The following SEMA3A variants were observed in gnomAD, a reference collection of about 807,000 sequenced individuals.
The protein encoded by SEMA3A is semaphorin-3A.
A neutral mutation model predicts 97.9 loss-of-function variants in SEMA3A; 29 were observed. That is an observed-to-expected ratio of 0.30 (90% CI 0.22 to 0.40). SEMA3A has a LOEUF of 0.40. SEMA3A is among the 10% of genes least tolerant of loss of function. The pLI is 1.00. For missense variants in SEMA3A, 763 were observed against 951.3 expected (o/e 0.80, Z 2.60); for synonymous variants, 321 against 323.7 (o/e 0.99, Z 0.09).
At chr7:83,999,388 T>C (rs944194211) in intron 12 of SEMA3A, among the ~76,000 whole-genome samples, 9 of 149,886 alleles carry the variant, frequency 6.0e-5, no homozygotes, top group African/African-American at 2.0e-4. Flanking sequence ...GAAAACACAA[T>C]ATAAATGCAA....
upstream of SEMA3A, chr7:84,194,892 A>C (rs11981143): frequency 0.044 from 10,332 of 234,420 alleles, 375 homozygotes; most frequent in Admixed American, 0.055. Context: ...GGTCTGCTGC[A>C]GTGGTGCTTA....
intron 3 of SEMA3A, among the ~76,000 whole-genome samples, chr7:84,253,170 G>T (rs550819394): frequency 6.6e-6 from 1 of 152,278 alleles, no homozygotes; most frequent in Admixed American, 6.5e-5. Context: ...GAGCCAAGGA[G>T]CCCAGTCCTG....
chr7:84,396,126 T>G (rs566924992), intron 1 of SEMA3A, among the ~76,000 whole-genome samples: 1 of 152,144 alleles, frequency 6.6e-6, no homozygotes, highest in African/African-American at 2.4e-5. Context: ...ATTAAAATTT[T>G]AAAAAGAAAG....
At chr7:84,073,017 A>G (rs1174972777) in intron 4 of SEMA3A, among the ~76,000 whole-genome samples, 1 of 152,148 alleles carries the variant, frequency 6.6e-6, no homozygotes, top group African/African-American at 2.4e-5. Flanking sequence ...ATAAAAATGC[A>G]AGATTCACAA....
chr7:84,265,269 G>C (rs1799961920), intron 3 of SEMA3A, among the ~76,000 whole-genome samples: 1 of 151,750 alleles, frequency 6.6e-6, no homozygotes, highest in Non-Finnish European at 1.5e-5. Flanking sequence ...TGAATATAAA[G>C]AGTGCAGTGG....
At chr7:84,478,945 T>G (rs982463430) in intron 1 of SEMA3A, among the ~76,000 whole-genome samples, 3 of 152,174 alleles carry the variant, frequency 2.0e-5, no homozygotes, top group Non-Finnish European at 4.4e-5. Flanking sequence ...AAAATCATAC[T>G]TATAAAAGCA....
intron 3 of SEMA3A, among the ~76,000 whole-genome samples, chr7:84,127,881 C>CCTACGA: frequency 6.6e-6 from 1 of 151,562 alleles, no homozygotes; most frequent in South Asian, 2.1e-4. Context: ...TATTCTAAAT[C>CCTACGA]CTTTTAAATA....
rs112579201 is a variant in SEMA3A at position 84,326,052 on chromosome 7, T to G, written c.-168-18760A>C. Among the ~76,000 whole-genome samples the G allele has an allele frequency of 4.4e-3, 671 of 152,232 alleles. 6 individuals are homozygous for G. The highest frequency in any genetic ancestry group is 0.015 in the African/African-American group (626 of 41,542). On this transcript the variant is annotated intron_variant, in intron 2 of 3. Transcript: ENST00000424555. ...TTCACTTATCATAATGTCTTTCAGG[T>G]TCATCCATGTTATAAAAATTGGCAA...
chr7:84,440,369 G>T (rs1023395281), intron 1 of SEMA3A, among the ~76,000 whole-genome samples: 6 of 152,146 alleles, frequency 3.9e-5, no homozygotes, highest in African/African-American at 1.4e-4. Context: ...CTTGAACACA[G>T]CTTGTGGAAG....
chr7:84,316,212 T>A (rs1801497581), intron 2 of SEMA3A, among the ~76,000 whole-genome samples: 1 of 150,892 alleles, frequency 6.6e-6, no homozygotes, highest in Non-Finnish European at 1.5e-5. Flanking sequence ...TTCATTTTAA[T>A]TTGAGAGAAG....
chr7:84,466,158 G>T (rs879715241), intron 1 of SEMA3A, among the ~76,000 whole-genome samples: 1 of 136,584 alleles, frequency 7.3e-6, no homozygotes, highest in Admixed American at 7.8e-5. Flanking sequence ...TTGTTGTTAG[G>T]TTTTTTGTTT....
In SEMA3A at chr7:84,419,529, CA is replaced by C. The variant is rs35358909; in HGVS notation, c.-245-47630del. 9.7e-3 allele frequency among the ~76,000 whole-genome samples: 1,277 copies of C among 132,244 alleles called. 5 individuals are homozygous for C. Among genetic ancestry groups the C allele is most frequent in the African/African-American group, 0.016 (610 of 37,744 alleles). The allele number at this position is 132,244 out of a possible 152,430, so 86.8% of individuals were successfully genotyped here. On this transcript the variant is annotated intron_variant, in intron 1 of 3. Coordinates refer to the SEMA3A transcript ENST00000424555. ...ACATAATCTCACAGCTGCATGAGAC[CA>C]AAAAAAAAAAAAAATAGTTGAGACC...
rs535121657 is a variant in SEMA3A at position 84,294,486 on chromosome 7, T to C, written c.-83+12721A>G. 1.1e-4 allele frequency among the ~76,000 whole-genome samples: 16 copies of C among 152,186 alleles called. No individual in the cohort carries two copies. In the South Asian group the frequency reaches 3.3e-3, roughly 32 times the overall value. On this transcript the variant is annotated intron_variant, in intron 3 of 3. Transcript: ENST00000424555. ...TATTTGTCCATATTTATCACCATAA[T>C]AAAATAAATTAAATTCCTATATTCT...
Position 83,961,436 on chromosome 7 carries a change from G to C in SEMA3A, c.2251C>G (p.Gln751Glu), listed in dbSNP as rs752218016. The change falls in exon 17 of 17, where the codon CAA (glutamine) becomes GAA (glutamate). Residue 751 changes from glutamine (Q) to glutamate (E), a missense_variant. By Grantham distance (29) the Gln-to-Glu change is conservative (BLOSUM62 2). This residue lies in a region of SEMA3A where 678 missense variants were observed against 881.3 expected (regional missense o/e 0.77). Transcript: ENST00000265362. The stretch of plus-strand genomic sequence containing the variant: ...CTGTTTCTACCTTTCTTATTTTCTT[G>C]TAAGTGCTTCCATTTGTTACTGTTC... The part of the protein sequence containing the change: ...PGNSNKWKHL[Q>E]ENKKGRNRRT... 1 of 1,614,052 alleles carries C rather than the reference G, an allele frequency of 6.2e-7. No homozygotes were observed. Among genetic ancestry groups the C allele is most frequent in the Non-Finnish European group, 8.5e-7 (1 of 1,179,958 alleles).
intron 1 of SEMA3A, among the ~76,000 whole-genome samples, chr7:84,163,904 G>T (rs1419622702): frequency 6.6e-6 from 1 of 150,582 alleles, no homozygotes; most frequent in Admixed American, 6.6e-5. Flanking sequence ...AGAGTGCAAT[G>T]GATCAATCTC....
chr7:84,413,582 C>G (rs990796600), intron 1 of SEMA3A, among the ~76,000 whole-genome samples: 1 of 152,096 alleles, frequency 6.6e-6, no homozygotes, highest in Non-Finnish European at 1.5e-5. Context: ...GAGCTGTGAT[C>G]ATGCCATTGC....
intron 3 of SEMA3A, among the ~76,000 whole-genome samples, chr7:84,214,950 C>T (rs892219642): frequency 5.3e-5 from 8 of 151,582 alleles, no homozygotes; most frequent in Non-Finnish European, 7.4e-5. Flanking sequence ...ATCCGCCCCC[C>T]CTTGGCCTCC....
At chr7:83,992,859 T>C (rs1790024405) in intron 12 of SEMA3A, among the ~76,000 whole-genome samples, 2 of 152,024 alleles carry the variant, frequency 1.3e-5, no homozygotes, top group Non-Finnish European at 2.9e-5. Flanking sequence ...CTGAGTTCAA[T>C]TCCTGGGTAT....
At chr7:84,339,690 A>G (rs189700439) in intron 2 of SEMA3A, among the ~76,000 whole-genome samples, 1 of 152,300 alleles carries the variant, frequency 6.6e-6, no homozygotes, top group Admixed American at 6.5e-5. Flanking sequence ...ACAATTAACT[A>G]TAAGGGCAAA....
Sources: allele counts gnomAD v4.1 joint callset (sites outside exome capture counted in the v4.1 genomes callset), GRCh38; gene constraint gnomAD v4.1.1; regional missense constraint gnomAD v4.1.1; transcripts MANE v1.5; gene names NCBI Gene and HGNC (gene_info 2026-07-23, HGNC 2026-07-21).